The following CHADL variants were observed in gnomAD, a reference collection of about 807,000 sequenced individuals.
CHADL encodes chondroadherin like, also known as chondroadherin-like protein.
Under a neutral mutation model 52.1 loss-of-function variants are expected in CHADL, and 48 were observed. That is an observed-to-expected ratio of 0.92 (90% CI 0.73 to 1.17). CHADL has a LOEUF of 1.17. CHADL is among the 50% of genes most tolerant of loss of function. CHADL has a pLI of 0.00. For missense variants in CHADL, 977 were observed against 1,035.1 expected (o/e 0.94, Z 0.77); for synonymous variants, 498 against 511.2 (o/e 0.97, Z 0.35).
chr22:41,229,796 C>CTGCT, intron 5 of CHADL, 66 bp from the exon 6 acceptor site: 1 of 1,417,316 alleles, frequency 7.1e-7, no homozygotes. Flanking sequence ...TCCTGTACCA[C>CTGCT]TGGACCCAGG....
Position 41,238,651 on chromosome 22 carries a change from G to T in CHADL, c.421C>A (p.Leu141Met). 6.5e-7 allele frequency: 1 copy of T among 1,543,876 alleles called. No individual in the cohort carries two copies. The change falls in exon 3 of 6, where the codon CTG becomes ATG. Residue 141 changes from leucine (L) to methionine (M), a missense_variant. Coordinates refer to ENST00000216241, the MANE Select transcript of CHADL (RefSeq NM_138481.2). This position sits in a 1 kb window ranked among gnomAD's most constrained non-coding sequence, Gnocchi z 4.9. Reference sequence around the variant, plus strand: ...AGCTCCTCCAGTGCGTTCCCCTCCAGCTCCAGCCGCCGCAACGAGCCCAGC... The same window carrying T: ...AGCTCCTCCAGTGCGTTCCCCTCCATCTCCAGCCGCCGCAACGAGCCCAGC... Reference protein sequence around the residue: ...DGLGSLRRLELEGNALEELRP... With the variant: ...DGLGSLRRLEMEGNALEELRP...
chr22:41,230,296 C>CTGGA, intron 5 of CHADL: 1 of 1,404,578 alleles, frequency 7.1e-7, no homozygotes, highest in Non-Finnish European at 1.0e-6. Flanking sequence ...GCCAGCCCAG[C>CTGGA]GTTTCTCTAC....
rs1386721758 is a variant in CHADL at position 41,238,771 on chromosome 22, C to G, written c.301G>C (p.Val101Leu). The stretch of plus-strand genomic sequence containing the variant: ...AGGCCACGGAAGGCGCCCTCGGCCA[C>G]CAGCTCCACCTCGCAGTGGCGCAGG... ...LDLRHCEVEL[V>L]AEGAFRGLGR... Residue 101 changes from valine (V) to leucine (L), a missense_variant, in exon 3 of 6, where the codon GTG becomes CTG. By Grantham distance (32) the Val-to-Leu change is conservative. Coordinates refer to ENST00000216241, the MANE Select transcript of CHADL (RefSeq NM_138481.2). This position sits in a 1 kb window ranked among gnomAD's most constrained non-coding sequence, Gnocchi z 4.9. The G allele has an allele frequency of 1.3e-6, 2 of 1,549,468 alleles. No homozygotes were observed. Among genetic ancestry groups the G allele is most frequent in the Admixed American group, 2.0e-5 (1 of 50,982 alleles).
chr22:41,239,461 C>T lies in CHADL; in HGVS notation c.168G>A (p.Val56=). ...VACRYQNLTE[V]PDAIPELTQR... ...TGCTGACCTCAGGGATGGCGTCTGG[C>T]ACCTCAGTGAGGTTCTGGTACCGGC... Residue 56 remains valine, a synonymous_variant, in exon 2 of 6, where the codon GTG becomes GTA. Coordinates refer to ENST00000216241, the MANE Select transcript of CHADL (RefSeq NM_138481.2). The T allele has an allele frequency of 6.4e-7, 1 of 1,550,906 alleles. No homozygotes were observed.
intron 5 of CHADL, among the ~76,000 whole-genome samples, chr22:41,232,883 A>G (rs887667587): frequency 1.3e-5 from 2 of 152,228 alleles, no homozygotes; most frequent in Non-Finnish European, 2.9e-5. Context: ...GTGACTGCCA[A>G]CTGAGATTAG....
In CHADL at chr22:41,237,589, C is replaced by T; in HGVS notation, c.1483G>A (p.Gly495Arg). The T allele has an allele frequency of 6.4e-7, 1 of 1,550,512 alleles. No individual in the cohort carries two copies. The highest frequency in any genetic ancestry group is 1.4e-5 in the African/African-American group (1 of 73,198). The change falls in exon 3 of 6, where the codon GGG becomes AGG. Residue 495 changes from glycine to arginine, a missense_variant. Gly to Arg is a moderately radical substitution (Grantham distance 125). Transcript: ENST00000216241. The part of the protein sequence containing the change: ...LAGLSAAALE[G>R]APRLGYLYLE... ...TACAGGTAGCCGAGGCGGGGAGCCCCTTCAAGGGCAGCAGCGCTGAGGCCT... is the reference window on the plus strand; with the variant it reads ...TACAGGTAGCCGAGGCGGGGAGCCCTTTCAAGGGCAGCAGCGCTGAGGCCT...
chr22:41,230,028 G>T, intron 5 of CHADL: 1 of 776,952 alleles, frequency 1.3e-6, no homozygotes, highest in Non-Finnish European at 2.1e-6. Flanking sequence ...GGGTGAAGGT[G>T]CATCCTAGGC....
At chr22:41,230,439 C>A in intron 5 of CHADL, 1 of 592,376 alleles carries the variant, frequency 1.7e-6, no homozygotes, top group Non-Finnish European at 3.0e-6. Context: ...TGCTTCTGCC[C>A]TCCCCTGTGG....
chr22:41,235,957 T>C (rs1319132420), intron 4 of CHADL, among the ~76,000 whole-genome samples: 1 of 152,066 alleles, frequency 6.6e-6, no homozygotes, highest in Non-Finnish European at 1.5e-5. Context: ...CAGCAACCTC[T>C]GCCTCCCAGG....
intron 5 of CHADL, among the ~76,000 whole-genome samples, chr22:41,234,598 G>T (rs145095646): frequency 0.015 from 2,194 of 150,716 alleles, 51 homozygotes; most frequent in African/African-American, 0.051. Context: ...CTGTCGCCCA[G>T]GCTGGAGTGC....
At chr22:41,239,348 G>T in intron 2 of CHADL, 95 bp downstream of exon 2, 1 of 1,131,680 alleles carries the variant, frequency 8.8e-7, no homozygotes, top group Non-Finnish European at 1.3e-6. Context: ...CCGGGCAGGC[G>T]GTGGCAGATC....
At chr22:41,240,567 G>A (rs904705443) in intron 1 of CHADL, among the ~76,000 whole-genome samples, 2 of 152,268 alleles carry the variant, frequency 1.3e-5, no homozygotes, top group Non-Finnish European at 2.9e-5. Context: ...AGCCTGTGGT[G>A]AAGGCTGTGC....
Position 41,235,343 on chromosome 22 carries a change from C to A in CHADL, c.2064G>T (p.Arg688Ser). 3 of 1,550,330 alleles carry A rather than the reference C, an allele frequency of 1.9e-6. No individual in the cohort carries two copies. The highest frequency in any genetic ancestry group is 2.6e-6 in the Non-Finnish European group (3 of 1,146,834). The change falls in exon 5 of 6, where the codon AGG becomes AGT. Residue 688 changes from arginine (R) to serine (S), a missense_variant and splice_region_variant. Transcript: ENST00000216241. The stretch of plus-strand genomic sequence containing the variant: ...CCCGCAGGTTCAGCCCAGTAAGCCA[C>A]CTGAAGAGAAAAGAGAGCTGGGGAG... Reference protein sequence around the residue: ...HCDCQLLPLHRWLTGLNLRVG... With the variant: ...HCDCQLLPLHSWLTGLNLRVG...
In CHADL at chr22:41,238,994, C is replaced by A; in HGVS notation, c.187-109G>T. ...TTCTCCTGTCACCTTTCCCATATTT[C>A]TCTTCATCCGACCCCTGACACCTCC... On this transcript the variant is annotated intron_variant, in intron 2 of 5. Transcript: ENST00000216241. The surrounding 1 kb of genome is among the most constrained non-coding windows in gnomAD (Gnocchi z 4.9). 1 of 1,377,650 alleles carries A rather than the reference C, an allele frequency of 7.3e-7. No homozygotes were observed. The highest frequency in any genetic ancestry group is 9.6e-7 in the Non-Finnish European group (1 of 1,041,462). The allele number at this position is 1,377,650 out of a possible 1,614,324, so 85.3% of individuals were successfully genotyped here. A position where few individuals can be genotyped will look rare whatever the true frequency, so the allele number is the denominator to read the frequency against.
chr22:41,236,685 T>C (rs767235855), intron 3 of CHADL, 35 bp from the exon 4 acceptor site: 2 of 1,526,036 alleles, frequency 1.3e-6, no homozygotes, highest in South Asian at 1.2e-5. Flanking sequence ...TGTGAGCTCC[T>C]GGCAGAGCTG....
At chr22:41,236,414 G>A (rs1050140190) in intron 4 of CHADL, 70 bp downstream of exon 4, 2 of 1,374,628 alleles carry the variant, frequency 1.5e-6, no homozygotes, top group South Asian at 1.3e-5. Flanking sequence ...GTGTGCCTGG[G>A]GAGATGACAG....
intron 5 of CHADL, among the ~76,000 whole-genome samples, chr22:41,233,472 AAG>A (rs2032674466): frequency 6.6e-6 from 1 of 152,082 alleles, no homozygotes; most frequent in South Asian, 2.1e-4. Context: ...CAGAAAAAAA[AAG>A]GGGGGGTGGA....
chr22:41,232,203 T>G (rs8136109), intron 5 of CHADL, among the ~76,000 whole-genome samples: 7,604 of 151,636 alleles, frequency 0.05, 428 homozygotes, highest in African/African-American at 0.14. Flanking sequence ...GTGGTGGCAG[T>G]CACCTGTAAT....
At chr22:41,240,728 TG>T in intron 1 of CHADL, 145 bp downstream of exon 1, 1 of 920,016 alleles carries the variant, frequency 1.1e-6, no homozygotes. Flanking sequence ...GAGCCCACCT[TG>T]GGAGACCCCC....
Sources: allele counts gnomAD v4.1 joint callset (sites outside exome capture counted in the v4.1 genomes callset), GRCh38; gene constraint gnomAD v4.1.1; non-coding constraint Gnocchi (gnomAD v3.1); transcripts MANE v1.5; gene names NCBI Gene and HGNC (gene_info 2026-07-23, HGNC 2026-07-21).